Variants in ZNF800 observed in about 807,000 individuals in gnomAD.
ZNF800 encodes zinc finger protein 800.
A neutral mutation model predicts 59.5 loss-of-function variants in ZNF800; 13 were observed. That is an observed-to-expected ratio of 0.22 (90% CI 0.14 to 0.35). The LOEUF (loss-of-function observed/expected upper bound fraction) is 0.35, where lower values mean the gene tolerates loss of function less well. ZNF800 is among the 10% of genes least tolerant of loss of function. The pLI, the probability that ZNF800 is intolerant of heterozygous loss-of-function variation, is 1.00. For synonymous variants in ZNF800, 266 were observed against 265.7 expected, an observed-to-expected ratio of 1.00 and a Z score of -0.01; for missense variants, 621 against 783.7, an observed-to-expected ratio of 0.79 and a Z score of 2.48.
In ZNF800 at chr7:127,375,043, G is replaced by GA; in HGVS notation, c.302-10dup. The GA allele has an allele frequency of 6.5e-7, 1 of 1,528,362 alleles. No homozygotes were observed. The highest frequency in any genetic ancestry group is 8.7e-7 in the Non-Finnish European group (1 of 1,144,210). The allele number at this position is 1,528,362 out of a possible 1,614,324, so 94.7% of individuals were successfully genotyped here. A position where few individuals can be genotyped will look rare whatever the true frequency, so the allele number is the denominator to read the frequency against. ...ATTTACATCAGGAAGGTCTGTTAAG[G>GA]AAAAAACAACATTTTAATCTGAAGT... is the stretch of plus-strand genomic sequence containing the variant. On this transcript the variant is annotated splice_polypyrimidine_tract_variant and intron_variant, in intron 4 of 5. Transcript: ENST00000265827.
At chr7:127,368,999 A>G (rs1238514260), downstream of ZNF800, among the ~76,000 whole-genome samples, 1 of 151,066 alleles carries the variant, frequency 6.6e-6, no homozygotes, top group Non-Finnish European at 1.5e-5. Flanking sequence ...TTTTCTTCTT[A>G]AAGAGTAAAG....
downstream of ZNF800, among the ~76,000 whole-genome samples, chr7:127,345,515 C>T (rs1423732925): frequency 1.3e-5 from 2 of 152,054 alleles, no homozygotes; most frequent in Non-Finnish European, 2.9e-5. Context: ...GAGAGGGTGG[C>T]TGTGAAAAGC....
chr7:127,344,109 AAAGG>A (rs1045727361), downstream of ZNF800, among the ~76,000 whole-genome samples: 5 of 152,060 alleles, frequency 3.3e-5, no homozygotes, highest in Admixed American at 6.5e-5. Flanking sequence ...TAAATATTAT[AAAGG>A]AAGAGAGAAA....
intron 1 of ZNF800, chr7:127,363,734 C>T (rs1800443142): frequency 6.6e-6 from 1 of 151,934 alleles, no homozygotes. Flanking sequence ...TCCTGGACTT[C>T]TAAAATACTG....
At chr7:127,379,870 C>CACAGAG (rs1434431281) in intron 3 of ZNF800, among the ~76,000 whole-genome samples, 6 of 83,886 alleles carry the variant, frequency 7.2e-5, no homozygotes, top group African/African-American at 3.0e-4. Flanking sequence ...CACACACACA[C>CACAGAG]AGAGAGAGAG....
intron 2 of ZNF800, among the ~76,000 whole-genome samples, chr7:127,390,761 C>T (rs749849242): frequency 9.9e-5 from 15 of 152,234 alleles, no homozygotes; most frequent in Admixed American, 3.9e-4. Flanking sequence ...TAATGATTGT[C>T]ACAAAGCATA....
chr7:127,348,764 A>C (rs1800118111), intron 1 of ZNF800, among the ~76,000 whole-genome samples: 1 of 151,520 alleles, frequency 6.6e-6, no homozygotes, highest in South Asian at 2.1e-4. Flanking sequence ...ATTTCATACA[A>C]GTTTGTTTTA....
downstream of ZNF800, among the ~76,000 whole-genome samples, chr7:127,344,336 C>A (rs1328378395): frequency 8.6e-5 from 13 of 151,962 alleles, no homozygotes; most frequent in Admixed American, 2.0e-4. Flanking sequence ...TAAAAATATG[C>A]AAAACATACA....
rs764138209 is a variant in ZNF800, at chr7:127,374,181, A to T, written c.1155T>A (p.Thr385=). Residue 385 remains threonine, a synonymous_variant, in exon 5 of 6, where the codon ACT becomes ACA. Coordinates refer to ENST00000265827, the MANE Select transcript of ZNF800 (RefSeq NM_176814.5). ...CTCTTTTAGAGTTTGTTCCAGAAAG[A>T]GTTATCTTGTGGACAATTTGCATAT... ...KRHMQIVHKI[T]LSGTNSKREK... The T allele has an allele frequency of 1.9e-6, 3 of 1,614,014 alleles. No individual in the cohort carries two copies. In the Admixed American group the frequency reaches 5.0e-5, roughly 27 times the overall value.
Position 127,382,548 on chromosome 7 carries a change from G to C in ZNF800, c.157+3512C>G, listed in dbSNP as rs552631568. Among the ~76,000 whole-genome samples the C allele has an allele frequency of 2.8e-4, 42 of 152,224 alleles. 1 individual carries two copies. The highest frequency in any genetic ancestry group is 9.6e-4 in the African/African-American group (40 of 41,528). ...CACAGCCAAAGCCAAACTACACAAA[G>C]GGTAAGGCACAGTCAAGGTAGTAGA... is the stretch of plus-strand genomic sequence containing the variant. On this transcript the variant is annotated intron_variant, in intron 3 of 5. Coordinates refer to ENST00000265827, the MANE Select transcript of ZNF800 (RefSeq NM_176814.5).
chr7:127,354,339 AAAT>A (rs1478152592), intron 1 of ZNF800, among the ~76,000 whole-genome samples: 1 of 152,288 alleles, frequency 6.6e-6, no homozygotes, highest in East Asian at 1.9e-4. Flanking sequence ...TGCTAGAAAT[AAAT>A]AATAATTTAA....
intron 2 of ZNF800, among the ~76,000 whole-genome samples, chr7:127,387,917 AACAC>A (rs141731563): frequency 0.039 from 5,759 of 147,744 alleles, 183 homozygotes; most frequent in African/African-American, 0.094. Flanking sequence ...ATTAATTAAG[AACAC>A]ACACACACAC....
At chr7:127,369,038 C>CAAA (rs57948552), downstream of ZNF800, among the ~76,000 whole-genome samples, 2 of 146,938 alleles carry the variant, frequency 1.4e-5, no homozygotes. Flanking sequence ...AGACATAAAC[C>CAAA]AAAAAAAAAA....
At chr7:127,378,598 G>A (rs1020789412) in intron 3 of ZNF800, among the ~76,000 whole-genome samples, 1 of 151,620 alleles carries the variant, frequency 6.6e-6, no homozygotes, top group African/African-American at 2.4e-5. Context: ...AATATAGTAG[G>A]GTCTATAAAA....
chr7:127,381,432 C>T (rs913384849), intron 3 of ZNF800, among the ~76,000 whole-genome samples: 1 of 98,556 alleles, frequency 1.0e-5, no homozygotes, highest in African/African-American at 4.0e-5. Context: ...CCTGTAAGGG[C>T]TGGTTAAATA....
At position 127,377,951 on chromosome 7, in the gene ZNF800, T is replaced by G. The variant is rs1800832934; in HGVS notation, c.158-622A>C. ...TTCTCTACGAAGTAGAGAATCTTTG[T>G]CTATACTGAGACATAATTTTGAACT... On this transcript the variant is annotated intron_variant, in intron 3 of 5. Transcript: ENST00000265827. This position sits in a 1 kb window ranked among gnomAD's most constrained non-coding sequence, Gnocchi z 4.7. Among the ~76,000 whole-genome samples the G allele has an allele frequency of 6.6e-6, 1 of 152,164 alleles. No homozygotes were observed. Among genetic ancestry groups the G allele is most frequent in the East Asian group, 1.9e-4 (1 of 5,176 alleles).
At chr7:127,378,156 T>A (rs1306906440) in intron 3 of ZNF800, among the ~76,000 whole-genome samples, 1 of 152,068 alleles carries the variant, frequency 6.6e-6, no homozygotes, top group Admixed American at 6.6e-5. Context: ...CGTATTCAGC[T>A]CTTACAATGC....
downstream of ZNF800, among the ~76,000 whole-genome samples, chr7:127,343,966 A>G (rs1369830112): frequency 6.6e-6 from 1 of 152,044 alleles, no homozygotes; most frequent in Non-Finnish European, 1.5e-5. Flanking sequence ...ATCAAACCAC[A>G]TCTTTAACAT....
Position 127,374,879 on chromosome 7 carries a change from G to T in ZNF800, c.457C>A (p.Pro153Thr). The T allele has an allele frequency of 1.2e-6, 2 of 1,613,824 alleles. No homozygotes were observed. The highest frequency in any genetic ancestry group is 1.7e-6 in the Non-Finnish European group (2 of 1,179,878). Residue 153 changes from proline (P) to threonine (T), a missense_variant, in exon 5 of 6, where the codon CCT becomes ACT. Around this residue, in one of 7 missense-constraint regions of ZNF800, gnomAD observed 218 missense variants for 230.8 expected, o/e 0.94. Coordinates refer to ENST00000265827, the MANE Select transcript of ZNF800 (RefSeq NM_176814.5). The stretch of plus-strand genomic sequence containing the variant: ...CTGCTTGACTCTGTGACTTCAATAG[G>T]ATTATCAGTCCTCGAAATATATTGA... The part of the protein sequence containing the change: ...VFQYISRTDN[P>T]IEVTESSSTP...
Sources: gnomAD v4.1 joint callset for allele counts (sites outside exome capture counted in the v4.1 genomes callset) on GRCh38, gnomAD v4.1.1 for gene constraint, gnomAD v4.1.1 regional missense constraint, Gnocchi (gnomAD v3.1) non-coding constraint, MANE v1.5 for transcripts, NCBI Gene and HGNC (gene_info 2026-07-23, HGNC 2026-07-21) for gene names.